Variants in JUP observed in about 807,000 individuals in gnomAD.
JUP encodes the protein catenin (cadherin-associated protein), gamma 80kDa.
A neutral mutation model predicts 71.1 loss-of-function variants in JUP; 28 were observed. The observed-to-expected ratio is 0.39, with a 90% CI of 0.29 to 0.54. JUP has a LOEUF of 0.54. JUP is among the 20% of genes least tolerant of loss of function. JUP has a pLI of 0.62. For synonymous variants in JUP, 401 were observed against 438.9 expected, an observed-to-expected ratio of 0.91 and a Z score of 1.08; for missense variants, 869 against 1,030.1, an observed-to-expected ratio of 0.84 and a Z score of 2.14.
At chr17:41,759,295 G>A (rs1183358026) in intron 8 of JUP, among the ~76,000 whole-genome samples, 1 of 152,006 alleles carries the variant, frequency 6.6e-6, no homozygotes, top group Non-Finnish European at 1.5e-5. Context: ...GGCTGGCCTC[G>A]AACCCCTGAC....
intron 1 of JUP, among the ~76,000 whole-genome samples, chr17:41,781,258 G>A (rs909230946): frequency 6.6e-6 from 1 of 151,500 alleles, no homozygotes; most frequent in Non-Finnish European, 1.5e-5. Context: ...GGGAGGCTGA[G>A]ACAGGAGAAT....
chr17:41,758,495 A>G lies in JUP; in HGVS notation c.1677T>C (p.Ile559=), dbSNP rs1914251431. ...PYTDGVRMEE[I]VEGCTGALHI... ...GCAGTGCTCCGGTGCAGCCCTCCAC[A>G]ATCTCCTCCATCCTCACACCATCCT... Residue 559 remains isoleucine, a synonymous_variant, in exon 10 of 14, where the codon ATT becomes ATC. Transcript: ENST00000393931. 6.2e-7 allele frequency: 1 copy of G among 1,613,138 alleles called. No homozygotes were observed. Among genetic ancestry groups the G allele is most frequent in the Non-Finnish European group, 8.5e-7 (1 of 1,179,442 alleles).
chr17:41,786,042 G>C (rs1257710668), intron 1 of JUP: 1 of 152,226 alleles, frequency 6.6e-6, no homozygotes, highest in African/African-American at 2.4e-5. Flanking sequence ...GGCCAGAGTC[G>C]CTGGGAAAAT....
chr17:41,759,656 T>G (rs1413248607), intron 8 of JUP, among the ~76,000 whole-genome samples: 3 of 152,254 alleles, frequency 2.0e-5, no homozygotes, highest in East Asian at 3.9e-4. Context: ...CCCCAGGGTC[T>G]TTGACTCAGA....
At chr17:41,772,645 T>C (rs1916845489) in intron 1 of JUP, among the ~76,000 whole-genome samples, 1 of 152,102 alleles carries the variant, frequency 6.6e-6, no homozygotes, top group South Asian at 2.1e-4. Flanking sequence ...ACCTGGTGCA[T>C]AGCAGGTGCT....
At position 41,769,068 on chromosome 17, in the gene JUP, C is replaced by T. The variant is rs200221163; in HGVS notation, c.608G>A (p.Arg203His). 79 of 1,613,116 alleles carry T rather than the reference C, an allele frequency of 4.9e-5. No homozygotes were observed. Among genetic ancestry groups the T allele is most frequent in the Middle Eastern group, 1.7e-4 (1 of 6,060 alleles). The change falls in exon 4 of 14, where the codon CGC becomes CAC. Residue 203 changes from arginine (R) to histidine (H), a missense_variant. Arg to His is a conservative substitution (Grantham distance 29). Transcript: ENST00000393931. ...GTTGTGCAGGATGCTGGTGGTGCAG[C>T]GGGCTGTGTCCAGGTCGCTGGTATT... is the stretch of plus-strand genomic sequence containing the variant. The part of the protein sequence containing the change: ...MQNTSDLDTA[R>H]CTTSILHNLS...
At chr17:41,781,550 C>G (rs1052526784) in intron 1 of JUP, among the ~76,000 whole-genome samples, 1 of 152,222 alleles carries the variant, frequency 6.6e-6, no homozygotes, top group African/African-American at 2.4e-5. Context: ...CAGGAGAGGC[C>G]GCTCAGTGTC....
chr17:41,779,632 G>GT lies in JUP; in HGVS notation c.-9+6955dup, dbSNP rs562293173. ...CGTGAGCCACCGCGGCTGGCCCCCA[G>GT]TTTTTTTTACAATGATCAGATATTA... On this transcript the variant is annotated intron_variant, in intron 1 of 13. Transcript: ENST00000393931. Among the ~76,000 whole-genome samples the GT allele has an allele frequency of 3.3e-3, 494 of 151,480 alleles. 4 individuals carry two copies. Among genetic ancestry groups the GT allele is most frequent in the Middle Eastern group, 0.01 (3 of 294 alleles).
intron 12 of JUP, among the ~76,000 whole-genome samples, chr17:41,756,841 A>C (rs1379616729): frequency 2.0e-5 from 3 of 152,186 alleles, no homozygotes; most frequent in Non-Finnish European, 2.9e-5. Flanking sequence ...CGGAGGTTGC[A>C]GTGAGCCAAG....
chr17:41,773,170 C>T (rs1396157177), intron 1 of JUP, among the ~76,000 whole-genome samples: 2 of 152,186 alleles, frequency 1.3e-5, no homozygotes, highest in Non-Finnish European at 2.9e-5. Context: ...GCTGGTCCAC[C>T]CATGAAGCCA....
intron 8 of JUP, among the ~76,000 whole-genome samples, chr17:41,760,926 C>T (rs893540095): frequency 2.0e-5 from 3 of 152,172 alleles, no homozygotes; most frequent in Middle Eastern, 3.2e-3. Flanking sequence ...CTCCTGTGCC[C>T]GTTGACAAGA....
intron 5 of JUP, among the ~76,000 whole-genome samples, chr17:41,766,579 G>T (rs1915745932): frequency 6.6e-6 from 1 of 152,022 alleles, no homozygotes; most frequent in South Asian, 2.1e-4. Context: ...TGGGGGTGGG[G>T]CACGGTGTCT....
intron 1 of JUP, among the ~76,000 whole-genome samples, chr17:41,783,171 G>A (rs2047256256): frequency 6.6e-6 from 1 of 151,916 alleles, no homozygotes; most frequent in Non-Finnish European, 1.5e-5. Flanking sequence ...TGGAATCAGA[G>A]GACCCAAACG....
chr17:41,758,473 G>A lies in JUP; in HGVS notation c.1699C>T (p.Leu567=). Residue 567 remains leucine, a synonymous_variant, in exon 10 of 14, where the codon CTG becomes TTG. Coordinates refer to ENST00000393931, the MANE Select transcript of JUP (RefSeq NM_002230.4). ...ATGGGGTCCCGGGCGAGGATGTGCA[G>A]TGCTCCGGTGCAGCCCTCCACAATC... ...EEIVEGCTGA[L]HILARDPMNR... is the part of the protein sequence containing the mutation. 6.2e-7 allele frequency: 1 copy of A among 1,614,112 alleles called. No individual in the cohort carries two copies. Among genetic ancestry groups the A allele is most frequent in the Non-Finnish European group, 8.5e-7 (1 of 1,179,994 alleles).
intron 1 of JUP, among the ~76,000 whole-genome samples, chr17:41,775,185 CA>C: frequency 6.6e-6 from 1 of 151,666 alleles, no homozygotes; most frequent in Non-Finnish European, 1.5e-5. Flanking sequence ...CCCTGGATCT[CA>C]AAGGAATGTT....
rs1392410248 is a variant in JUP, at chr17:41,769,259, T to C, written c.469-52A>G. On this transcript the variant is annotated intron_variant, in intron 3 of 13. Coordinates refer to ENST00000393931, the MANE Select transcript of JUP (RefSeq NM_002230.4). ...CGTGAGCACTAAGGAGAGGCCGGGA[T>C]ACCCTTCCACAGAGCTGAGGAGGGC... is the stretch of plus-strand genomic sequence containing the variant. The C allele has an allele frequency of 4.4e-6, 7 of 1,578,686 alleles. No homozygotes were observed. In the African/African-American group the frequency reaches 9.4e-5, roughly 21 times the overall value.
chr17:41,772,773 T>C (rs1916861843), intron 1 of JUP: 1 of 984,228 alleles, frequency 1.0e-6, no homozygotes, highest in African/African-American at 1.7e-5. Flanking sequence ...GGGTGGTCAC[T>C]GCCGTCAGGA....
In JUP at chr17:41,769,242, C is replaced by G. The variant is rs1480682816; in HGVS notation, c.469-35G>C. 3 of 1,589,126 alleles carry G rather than the reference C, an allele frequency of 1.9e-6. No homozygotes were observed. In the Admixed American group the frequency reaches 5.0e-5, roughly 26 times the overall value. On this transcript the variant is annotated intron_variant, in intron 3 of 13. Transcript: ENST00000393931. ...AAAGGCAGGGGCGGGGACGTGAGCACTAAGGAGAGGCCGGGATACCCTTCC... is the reference window on the plus strand; with the variant it reads ...AAAGGCAGGGGCGGGGACGTGAGCAGTAAGGAGAGGCCGGGATACCCTTCC...
At chr17:41,761,550 A>T (rs7503842) in intron 8 of JUP, among the ~76,000 whole-genome samples, 1 of 151,960 alleles carries the variant, frequency 6.6e-6, no homozygotes, top group African/African-American at 2.4e-5. Flanking sequence ...AGTGGCTCAC[A>T]CCTGTAATCC....
Sources: allele counts gnomAD v4.1 joint callset (sites outside exome capture counted in the v4.1 genomes callset), GRCh38; gene constraint gnomAD v4.1.1; transcripts MANE v1.5; gene names NCBI Gene and HGNC (gene_info 2026-07-23, HGNC 2026-07-21).